Variants in INPP4B observed in about 807,000 individuals in gnomAD.
INPP4B encodes inositol polyphosphate 4-phosphatase type II.
In INPP4B, 55 loss-of-function variants were observed where a neutral mutation model predicts 122.5. The ratio of observed to expected loss-of-function variants is 0.45; its 90% confidence interval spans 0.36 to 0.56. INPP4B has a LOEUF of 0.56. INPP4B is among the 20% of genes least tolerant of loss of function. The pLI, the probability that INPP4B is intolerant of heterozygous loss-of-function variation, is 0.00. For synonymous variants in INPP4B, 403 were observed against 388.7 expected, an observed-to-expected ratio of 1.04 and a Z score of -0.43; for missense variants, 1,000 against 1,097.7, an observed-to-expected ratio of 0.91 and a Z score of 1.26.
chr4:142,798,757 C>T (rs1195877773), intron 1 of INPP4B, among the ~76,000 whole-genome samples: 3 of 151,004 alleles, frequency 2.0e-5, no homozygotes, highest in Non-Finnish European at 4.4e-5. Context: ...AGAGATAAGC[C>T]GAAAGTTGAT....
intron 1 of INPP4B, among the ~76,000 whole-genome samples, chr4:142,775,356 ATATT>A (rs1463713714): frequency 6.6e-6 from 1 of 152,152 alleles, no homozygotes; most frequent in African/African-American, 2.4e-5. Context: ...TCAGCATATA[ATATT>A]TAGAATTCAT....
chr4:142,736,260 G>A (rs2150899270), intron 1 of INPP4B, among the ~76,000 whole-genome samples: 1 of 152,200 alleles, frequency 6.6e-6, no homozygotes, highest in Non-Finnish European at 1.5e-5. Context: ...CTAAACTAGG[G>A]CTTTCTTAAT....
At chr4:142,753,447 C>CATTTGTA (rs1770027415) in intron 1 of INPP4B, among the ~76,000 whole-genome samples, 1 of 151,998 alleles carries the variant, frequency 6.6e-6, no homozygotes, top group Non-Finnish European at 1.5e-5. Flanking sequence ...TGTTGATGTA[C>CATTTGTA]TGATTGTCAT....
chr4:142,704,848 G>A (rs948818073), intron 2 of INPP4B, among the ~76,000 whole-genome samples: 5 of 152,056 alleles, frequency 3.3e-5, no homozygotes, highest in South Asian at 2.1e-4. Flanking sequence ...TGCCAATTTC[G>A]TATGTACTTT....
At chr4:142,830,850 CAAAAAAAAAA>C (rs70949194) in intron 1 of INPP4B, among the ~76,000 whole-genome samples, 171 of 91,454 alleles carry the variant, frequency 1.9e-3, no homozygotes, top group Non-Finnish European at 2.7e-3. Context: ...GCTGTCTCTA[CAAAAAAAAAA>C]AAAAAAAAAA....
chr4:142,680,015 T>C (rs879303734), intron 2 of INPP4B, among the ~76,000 whole-genome samples: 12 of 151,872 alleles, frequency 7.9e-5, no homozygotes, highest in African/African-American at 1.2e-4. Context: ...ATCTATTCCA[T>C]TTTATTTTCA....
At chr4:142,772,810 CA>C (rs1216359111) in intron 1 of INPP4B, among the ~76,000 whole-genome samples, 1 of 151,822 alleles carries the variant, frequency 6.6e-6, no homozygotes, top group Non-Finnish European at 1.5e-5. Flanking sequence ...TTTGGGAGGC[CA>C]AGGCAGGCAG....
At chr4:142,782,326 G>A (rs1166878246) in intron 1 of INPP4B, among the ~76,000 whole-genome samples, 1 of 149,978 alleles carries the variant, frequency 6.7e-6, no homozygotes, top group Non-Finnish European at 1.5e-5. Flanking sequence ...CATTTTTTAT[G>A]GCTGCATAGT....
chr4:142,483,181 G>GTTTTTTTTTTT (rs1231258221), intron 2 of INPP4B, among the ~76,000 whole-genome samples: 1 of 72,396 alleles, frequency 1.4e-5, no homozygotes, highest in African/African-American at 8.5e-5. Context: ...GTCAGGCTAT[G>GTTTTTTTTTTT]CTTTTTTTTT....
intron 1 of INPP4B, among the ~76,000 whole-genome samples, chr4:142,796,396 A>T (rs192414264): frequency 3.4e-4 from 51 of 152,074 alleles, no homozygotes; most frequent in Middle Eastern, 6.8e-3. Context: ...CTTAACAGGG[A>T]GAAAGTTGCT....
At chr4:142,592,947 A>T (rs1192424225) in intron 2 of INPP4B, among the ~76,000 whole-genome samples, 1 of 151,948 alleles carries the variant, frequency 6.6e-6, no homozygotes, top group Non-Finnish European at 1.5e-5. Flanking sequence ...CAAAATAAAA[A>T]CAAAAAATTA....
chr4:142,777,062 C>T (rs1037415033), intron 1 of INPP4B, among the ~76,000 whole-genome samples: 1 of 152,058 alleles, frequency 6.6e-6, no homozygotes, highest in African/African-American at 2.4e-5. Context: ...GAATGCATGT[C>T]CAAAATTTGG....
At chr4:142,147,615 A>G (rs1368084145) in intron 17 of INPP4B, among the ~76,000 whole-genome samples, 1 of 152,196 alleles carries the variant, frequency 6.6e-6, no homozygotes, top group East Asian at 1.9e-4. Context: ...CTAAGAAGGC[A>G]CTTGTTGAAA....
intron 2 of INPP4B, among the ~76,000 whole-genome samples, chr4:142,706,782 G>A (rs1256987174): frequency 6.6e-6 from 1 of 152,204 alleles, no homozygotes; most frequent in African/African-American, 2.4e-5. Flanking sequence ...TAATATAAGG[G>A]GCTGAGCTTA....
chr4:142,525,196 T>A (rs1473004809), intron 2 of INPP4B, among the ~76,000 whole-genome samples: 2 of 152,024 alleles, frequency 1.3e-5, no homozygotes, highest in Middle Eastern at 3.4e-3. Flanking sequence ...GTGAAGGACC[T>A]CTTCAAGGAG....
chr4:142,553,425 A>G (rs554324501), intron 2 of INPP4B, among the ~76,000 whole-genome samples: 1 of 152,352 alleles, frequency 6.6e-6, no homozygotes, highest in South Asian at 2.1e-4. Context: ...AGCAGCTTGT[A>G]GAAAAGATTG....
intron 2 of INPP4B, among the ~76,000 whole-genome samples, chr4:142,536,541 CAAAGAA>C (rs1457866832): frequency 6.6e-6 from 1 of 152,074 alleles, no homozygotes; most frequent in African/African-American, 2.4e-5. Flanking sequence ...GTTATTTTCT[CAAAGAA>C]AAAGAAGTGG....
At chr4:142,043,647 A>C (rs1749573062) in intron 25 of INPP4B, among the ~76,000 whole-genome samples, 1 of 152,176 alleles carries the variant, frequency 6.6e-6, no homozygotes, top group South Asian at 2.1e-4. Context: ...AATGAAAGGA[A>C]AATTAAATGC....
At chr4:142,121,841 A>C (rs1363209521) in intron 21 of INPP4B, among the ~76,000 whole-genome samples, 1 of 152,116 alleles carries the variant, frequency 6.6e-6, no homozygotes, top group Non-Finnish European at 1.5e-5. Flanking sequence ...GATAGTAATA[A>C]GGAGAAAAAT....
Sources: allele counts gnomAD v4.1 joint callset (sites outside exome capture counted in the v4.1 genomes callset), GRCh38; gene constraint gnomAD v4.1.1; transcripts MANE v1.5; gene names NCBI Gene and HGNC (gene_info 2026-07-23, HGNC 2026-07-21).